The following C4orf36 variants were observed in gnomAD, a reference collection of about 807,000 sequenced individuals.
The protein encoded by C4orf36 is uncharacterized protein C4orf36.
C4orf36 carries 11 observed loss-of-function variants against 12.2 expected under a neutral mutation model. The observed-to-expected ratio is 0.90, with a 90% CI of 0.57 to 1.49. C4orf36 has a LOEUF of 1.49. C4orf36 is among the 40% of genes most tolerant of loss of function. The probability of loss-of-function intolerance (pLI) is 0.00; values close to 1 mark genes in which losing one functional copy is unlikely to be tolerated. For missense variants in C4orf36, 137 were observed against 133.9 expected, an observed-to-expected ratio of 1.02 and a Z score of -0.11; for synonymous variants, 54 against 51.3, an observed-to-expected ratio of 1.05 and a Z score of -0.22.
upstream of C4orf36, among the ~76,000 whole-genome samples, chr4:86,895,070 G>A (rs566111587): frequency 2.0e-5 from 3 of 152,174 alleles, no homozygotes; most frequent in East Asian, 1.9e-4. Flanking sequence ...TCAACACTAC[G>A]GCAGGCTGAG....
chr4:86,932,692 T>A, the C4orf36 span, among the ~76,000 whole-genome samples: 1 of 132,732 alleles, frequency 7.5e-6, no homozygotes, highest in East Asian at 2.3e-4. Flanking sequence ...AATTGTCAGG[T>A]AACATCCCAG....
the C4orf36 span, among the ~76,000 whole-genome samples, chr4:86,923,706 T>A: frequency 2.0e-5 from 3 of 149,030 alleles, no homozygotes; most frequent in Non-Finnish European, 4.4e-5. Context: ...GAGGTTGTAG[T>A]GATCTGAGAT....
intron 3 of C4orf36, 32 bp downstream of exon 3, chr4:86,888,089 T>G (rs1169149467): frequency 6.2e-7 from 1 of 1,600,540 alleles, no homozygotes; most frequent in African/African-American, 1.3e-5. Context: ...ACTGAATTTA[T>G]AACTTATTAA....
chr4:86,917,338 G>A, the C4orf36 span, among the ~76,000 whole-genome samples: 1 of 142,872 alleles, frequency 7.0e-6, no homozygotes, highest in Non-Finnish European at 1.5e-5. Flanking sequence ...GATGAAGGAA[G>A]GAAGGATGGA....
the C4orf36 span, among the ~76,000 whole-genome samples, chr4:86,919,780 A>G: frequency 1.3e-5 from 2 of 152,088 alleles, no homozygotes; most frequent in East Asian, 3.9e-4. Flanking sequence ...AACAACTCTA[A>G]TGCCTGTACT....
At chr4:86,902,192 G>A in the C4orf36 span, among the ~76,000 whole-genome samples, 62 of 152,236 alleles carry the variant, frequency 4.1e-4, no homozygotes, top group African/African-American at 1.4e-3. Flanking sequence ...AGGCCAAAGC[G>A]AAAGGATTGT....
At chr4:86,913,412 C>A in the C4orf36 span, 1 of 746,940 alleles carries the variant, frequency 1.3e-6, no homozygotes, top group Non-Finnish European at 2.4e-6. Context: ...ATCTCCAACA[C>A]CGTGTTGCGG....
At chr4:86,932,490 G>A in the C4orf36 span, among the ~76,000 whole-genome samples, 1 of 151,924 alleles carries the variant, frequency 6.6e-6, no homozygotes, top group South Asian at 2.1e-4. Flanking sequence ...GCAGAGTTTA[G>A]AAGTACTTCA....
the C4orf36 span, among the ~76,000 whole-genome samples, chr4:86,929,498 C>G: frequency 3.1e-3 from 476 of 152,276 alleles, 3 homozygotes; most frequent in African/African-American, 0.011. Flanking sequence ...CTTTGGATCT[C>G]TCTGACTTAC....
At chr4:86,900,985 CTTTTT>C in the C4orf36 span, among the ~76,000 whole-genome samples, 2 of 138,054 alleles carry the variant, frequency 1.4e-5, no homozygotes, top group African/African-American at 2.7e-5. Flanking sequence ...GCAGTGGTTC[CTTTTT>C]TTTTTTTTTT....
At position 86,887,891 on chromosome 4, in the gene C4orf36, T is replaced by C. The variant is rs1162272332; in HGVS notation, c.223A>G (p.Ile75Val). ...KDGLLPSAES[I>V]KLEREYEVKR... ...ACTTCATACTCCCTTTCGAGTTTGA[T>C]AGCTGAAAAAGAAAATACACAAAAC... Residue 75 changes from isoleucine to valine, a missense_variant and splice_region_variant, in exon 4 of 5, where the codon ATC becomes GTC. Ile to Val is a conservative substitution (Grantham distance 29, BLOSUM62 3). Coordinates refer to ENST00000295898, the MANE Select transcript of C4orf36 (RefSeq NM_144645.4). 1.2e-6 allele frequency: 2 copies of C among 1,613,822 alleles called. No homozygotes were observed. Among genetic ancestry groups the C allele is most frequent in the Admixed American group, 1.7e-5 (1 of 59,944 alleles).
chr4:86,890,192 A>AGGGG, intron 2 of C4orf36: 1 of 105,670 alleles, frequency 9.5e-6, no homozygotes, highest in Non-Finnish European at 2.0e-5. Flanking sequence ...GGAGGGAGGG[A>AGGGG]GGGAGGGAGG....
chr4:86,891,458 A>T lies in C4orf36; in HGVS notation c.63T>A (p.Asn21Lys), dbSNP rs998978079. ...VKTILRGSCY[N>K]VQEPWDIALL... ...TAAAAAAAAAAAATAGTACTTACAC[A>T]TTATAACAACTGCCCCGCAAAATGG... The change falls in exon 2 of 5, where the codon AAT (asparagine) becomes AAA (lysine). Residue 21 changes from asparagine (N) to lysine (K), a missense_variant and splice_region_variant. Asn to Lys is a moderately conservative substitution (Grantham distance 94). Transcript: ENST00000295898. The T allele has an allele frequency of 1.8e-5, 29 of 1,613,402 alleles. No homozygotes were observed. The highest frequency in any genetic ancestry group is 2.3e-5 in the Non-Finnish European group (27 of 1,179,838).
intron 4 of C4orf36, among the ~76,000 whole-genome samples, chr4:86,879,021 A>G (rs1250900585): frequency 6.6e-6 from 1 of 152,198 alleles, no homozygotes; most frequent in Non-Finnish European, 1.5e-5. Context: ...CCCTGCATGA[A>G]GCCAATGTCT....
intron 4 of C4orf36, among the ~76,000 whole-genome samples, chr4:86,885,630 C>T (rs1385424416): frequency 2.0e-5 from 3 of 152,186 alleles, no homozygotes; most frequent in Non-Finnish European, 4.4e-5. Flanking sequence ...GATATACAAT[C>T]ATGTCATCTG....
the C4orf36 span, among the ~76,000 whole-genome samples, chr4:86,905,275 C>T: frequency 1.2e-4 from 18 of 151,566 alleles, no homozygotes; most frequent in Non-Finnish European, 2.5e-4. Flanking sequence ...CCTTGCTACT[C>T]AGGAAGCTGA....
chr4:86,906,700 C>T, the C4orf36 span, among the ~76,000 whole-genome samples: 1 of 134,696 alleles, frequency 7.4e-6, no homozygotes, highest in Non-Finnish European at 1.5e-5. Context: ...CGCTACACTC[C>T]AGCCTGGGCA....
the C4orf36 span, among the ~76,000 whole-genome samples, chr4:86,923,141 G>C: frequency 1.1e-4 from 17 of 150,540 alleles, no homozygotes; most frequent in Admixed American, 3.3e-4. Flanking sequence ...ACCCAAGCTG[G>C]AGTGCAGTGA....
Position 86,892,257 on chromosome 4 carries a change from G to A in C4orf36, c.-148C>T, listed in dbSNP as rs946027846. On this transcript the variant is annotated 5_prime_UTR_variant, in exon 1 of 5. Coordinates refer to ENST00000295898, the MANE Select transcript of C4orf36 (RefSeq NM_144645.4). ...GGCTTCCAGGGTGGCGGGTCCCCGC[G>A]AGCCGGCGCCGGCGGCCTGGTTACC... 1.0e-6 allele frequency: 1 copy of A among 985,874 alleles called. No homozygotes were observed. The highest frequency in any genetic ancestry group is 1.2e-6 in the Non-Finnish European group (1 of 830,328). 61.1% of individuals were successfully genotyped at this position (985,874 alleles called of 1,614,324 possible).
Sources: gnomAD v4.1 joint callset for allele counts (sites outside exome capture counted in the v4.1 genomes callset) on GRCh38, gnomAD v4.1.1 for gene constraint, MANE v1.5 for transcripts, NCBI Gene and HGNC (gene_info 2026-07-23, HGNC 2026-07-21) for gene names.